The following DCLK3 variants were observed in gnomAD, a reference collection of about 807,000 sequenced individuals.
The protein encoded by DCLK3 is doublecortin like kinase 3.
A neutral mutation model predicts 46.4 loss-of-function variants in DCLK3; 30 were observed. That is an observed-to-expected ratio of 0.65 (90% CI 0.48 to 0.88). The LOEUF (loss-of-function observed/expected upper bound fraction) is 0.88. Ranked by LOEUF, DCLK3 falls within the 40% of genes least tolerant of loss-of-function variation. The pLI, the probability that DCLK3 is intolerant of heterozygous loss-of-function variation, is 0.00. For missense variants in DCLK3, 846 were observed against 907.1 expected (o/e 0.93, Z 0.87); for synonymous variants, 401 against 339.2 (o/e 1.18, Z -2.00).
intron 1 of DCLK3, among the ~76,000 whole-genome samples, chr3:36,753,612 C>A (rs73824473): frequency 5.9e-5 from 9 of 152,332 alleles, no homozygotes; most frequent in African/African-American, 1.4e-4. Flanking sequence ...AACTAACAAG[C>A]ATTCCTGAGA....
rs1701296256 is a variant in DCLK3, at chr3:36,738,271, T to A, written c.896A>T (p.Glu299Val). 2 of 1,541,760 alleles carry A rather than the reference T, an allele frequency of 1.3e-6. No individual in the cohort carries two copies. The highest frequency in any genetic ancestry group is 1.7e-6 in the Non-Finnish European group (2 of 1,147,304). ...RGEKHLGVEI[E>V]KTSGEIIRCE... ...TCTGATAATTTCACCCGAGGTCTTT[T>A]CAATCTCCACCCCAAGATGCTTCTC... Residue 299 changes from glutamate to valine, a missense_variant, in exon 2 of 5, where the codon GAA becomes GTA. Coordinates refer to ENST00000636136, the MANE Select transcript of DCLK3 (RefSeq NM_001394672.2).
At chr3:36,740,816 A>C (rs1225021763) in intron 1 of DCLK3, among the ~76,000 whole-genome samples, 1 of 152,234 alleles carries the variant, frequency 6.6e-6, no homozygotes, top group Non-Finnish European at 1.5e-5. Flanking sequence ...GCTTCCTTTA[A>C]AAAGAAATTT....
Position 36,724,449 on chromosome 3 carries a change from T to C in DCLK3, c.1960-2790A>G, listed in dbSNP as rs555776879. ...TGGGAGGGGCCAGGGCAGAATGATA[T>C]GGTTTGGCTGTGTCCCCACCCAAAT... is the stretch of plus-strand genomic sequence containing the variant. On this transcript the variant is annotated intron_variant, in intron 2 of 4. Coordinates refer to ENST00000636136, the MANE Select transcript of DCLK3 (RefSeq NM_001394672.2). Among the ~76,000 whole-genome samples, 35 of 152,298 alleles carry C rather than the reference T, an allele frequency of 2.3e-4. No homozygotes were observed. The South Asian group carries it at 5.0e-3, about 22-fold the overall frequency.
intron 2 of DCLK3, among the ~76,000 whole-genome samples, chr3:36,730,162 T>C (rs1219342113): frequency 1.3e-5 from 2 of 150,760 alleles, no homozygotes; most frequent in Non-Finnish European, 2.9e-5. Flanking sequence ...AGAGTCAGAC[T>C]GTCTCAAAAT....
At chr3:36,742,150 G>A (rs1314892386) in intron 1 of DCLK3, among the ~76,000 whole-genome samples, 2 of 152,296 alleles carry the variant, frequency 1.3e-5, no homozygotes, top group African/African-American at 4.8e-5. Flanking sequence ...TGTATTGAGT[G>A]TTGACATAGA....
At chr3:36,740,394 C>T (rs1275400367) in intron 1 of DCLK3, among the ~76,000 whole-genome samples, 1 of 152,126 alleles carries the variant, frequency 6.6e-6, no homozygotes, top group Non-Finnish European at 1.5e-5. Context: ...CTCATGGACC[C>T]ACATGATGTG....
At chr3:36,760,084 G>A (rs561137686) in intron 1 of DCLK3, among the ~76,000 whole-genome samples, 1 of 152,206 alleles carries the variant, frequency 6.6e-6, no homozygotes, top group African/African-American at 2.4e-5. Flanking sequence ...GGCATTTGAA[G>A]GAAGCTGGGT....
intron 1 of DCLK3, among the ~76,000 whole-genome samples, chr3:36,754,203 A>G (rs1286834486): frequency 1.3e-5 from 2 of 152,202 alleles, no homozygotes; most frequent in African/African-American, 4.8e-5. Flanking sequence ...CTTATAGCAA[A>G]CTTATATGCT....
intron 4 of DCLK3, among the ~76,000 whole-genome samples, chr3:36,716,234 C>T (rs990976446): frequency 1.3e-5 from 2 of 152,198 alleles, no homozygotes; most frequent in African/African-American, 4.8e-5. Context: ...CTCATTGAGA[C>T]TGCTCTTCCA....
chr3:36,734,351 CAT>C (rs1701234139), intron 2 of DCLK3, among the ~76,000 whole-genome samples: 1 of 152,112 alleles, frequency 6.6e-6, no homozygotes, highest in African/African-American at 2.4e-5. Flanking sequence ...AAAGGATAAA[CAT>C]GTTTTATAAA....
intron 2 of DCLK3, among the ~76,000 whole-genome samples, chr3:36,733,912 A>C (rs767589710): frequency 5.9e-5 from 9 of 152,204 alleles, no homozygotes; most frequent in Non-Finnish European, 1.0e-4. Context: ...ATAGTCTCTA[A>C]AAGCAGCAAC....
chr3:36,718,354 C>A (rs1427658910), intron 3 of DCLK3, among the ~76,000 whole-genome samples, 177 bp from the exon 4 acceptor site: 1 of 152,194 alleles, frequency 6.6e-6, no homozygotes, highest in Non-Finnish European at 1.5e-5. Context: ...TACATAAGGA[C>A]TCTACACCAT....
chr3:36,718,274 T>G, intron 3 of DCLK3, 97 bp from the exon 4 acceptor site: 1 of 1,544,138 alleles, frequency 6.5e-7, no homozygotes, highest in South Asian at 1.2e-5. Flanking sequence ...TAAATAGATC[T>G]AAGTCATAGA....
chr3:36,763,633 C>G (rs945585344), intron 1 of DCLK3, among the ~76,000 whole-genome samples: 1 of 152,198 alleles, frequency 6.6e-6, no homozygotes, highest in Non-Finnish European at 1.5e-5. Flanking sequence ...GACCTGGATC[C>G]AACTCCAGCT....
At chr3:36,746,924 C>T (rs577137741) in intron 1 of DCLK3, among the ~76,000 whole-genome samples, 10 of 152,228 alleles carry the variant, frequency 6.6e-5, no homozygotes, top group Non-Finnish European at 1.3e-4. Context: ...CCAGATGATG[C>T]TGATGCTGAT....
rs898256183 is a variant in DCLK3 at position 36,714,356 on chromosome 3, A to G, written c.*972T>C. 1.3e-5 allele frequency: 2 copies of G among 152,152 alleles called. No homozygotes were observed. The highest frequency in any genetic ancestry group is 4.8e-5 in the African/African-American group (2 of 41,422). The allele number at this position is 152,152 out of a possible 1,614,324, so 9.4% of individuals were successfully genotyped here. ...CATAATCTAGGAAGGTCAATTTGGG[A>G]AATATTAGGATATGTCTTGCTGTCA... On this transcript the variant is annotated 3_prime_UTR_variant, in exon 5 of 5. Coordinates refer to ENST00000636136, the MANE Select transcript of DCLK3 (RefSeq NM_001394672.2).
At position 36,714,986 on chromosome 3, in the gene DCLK3, CAG is replaced by C. The variant is rs1700956351; in HGVS notation, c.*340_*341del. ...ACCACAATGCACCTTATTAATCTCACAGGGGGAGTTTAGACCCTGGTAAGCAC... is the reference window on the plus strand; with the variant it reads ...ACCACAATGCACCTTATTAATCTCACGGGGAGTTTAGACCCTGGTAAGCAC... On this transcript the variant is annotated 3_prime_UTR_variant, in exon 5 of 5. Transcript: ENST00000636136. The C allele has an allele frequency of 4.8e-6, 1 of 209,340 alleles. No individual in the cohort carries two copies. Among genetic ancestry groups the C allele is most frequent in the East Asian group, 1.4e-4 (1 of 7,054 alleles). The allele number at this position is 209,340 out of a possible 1,614,324, so 13.0% of individuals were successfully genotyped here. A position where few individuals can be genotyped will look rare whatever the true frequency, so the allele number is the denominator to read the frequency against.
At chr3:36,752,393 T>G (rs191874611) in intron 1 of DCLK3, among the ~76,000 whole-genome samples, 2 of 152,304 alleles carry the variant, frequency 1.3e-5, no homozygotes, top group East Asian at 3.9e-4. Flanking sequence ...AATAATTACA[T>G]GCACAAGAAT....
chr3:36,751,358 T>C (rs573162355), intron 1 of DCLK3, among the ~76,000 whole-genome samples: 288 of 152,302 alleles, frequency 1.9e-3, no homozygotes, highest in African/African-American at 6.7e-3. Context: ...GGAATCTGCA[T>C]GGCCCCCACT....
Sources: allele counts gnomAD v4.1 joint callset (sites outside exome capture counted in the v4.1 genomes callset), GRCh38; gene constraint gnomAD v4.1.1; transcripts MANE v1.5; gene names NCBI Gene and HGNC (gene_info 2026-07-23, HGNC 2026-07-21).